Variants in ORC3 observed in about 807,000 individuals in gnomAD.
ORC3 encodes homolog of latheo, Drosophila.
ORC3 carries 78 observed loss-of-function variants against 100.7 expected under a neutral mutation model. The observed-to-expected ratio is 0.77, with a 90% confidence interval of 0.65 to 0.94. ORC3 has a LOEUF of 0.94. Ranked by LOEUF, ORC3 falls within the 40% of genes least tolerant of loss-of-function variation. The pLI, the probability that ORC3 is intolerant of heterozygous loss-of-function variation, is 0.00. For synonymous variants in ORC3, 295 were observed against 289.3 expected (o/e 1.02, Z -0.20); for missense variants, 789 against 823.9 (o/e 0.96, Z 0.52).
At chr6:87,672,566 G>A in the ORC3 span, among the ~76,000 whole-genome samples, 1 of 152,132 alleles carries the variant, frequency 6.6e-6, no homozygotes, top group Non-Finnish European at 1.5e-5. Context: ...ATTACTGTAA[G>A]AGTTTGAAAG....
At chr6:87,630,937 C>G (rs1767357906) in intron 11 of ORC3, among the ~76,000 whole-genome samples, 1 of 151,948 alleles carries the variant, frequency 6.6e-6, no homozygotes, top group African/African-American at 2.4e-5. Context: ...GTGGTGCAAT[C>G]ATAGCTTGCT....
At chr6:87,638,325 G>A (rs1188235366) in intron 13 of ORC3, among the ~76,000 whole-genome samples, 1 of 152,192 alleles carries the variant, frequency 6.6e-6, no homozygotes, top group Non-Finnish European at 1.5e-5. Context: ...ATGTAGAGCA[G>A]AAGTCAGGGA....
chr6:87,676,596 AACACACACACAC>A, the ORC3 span, among the ~76,000 whole-genome samples: 264 of 142,108 alleles, frequency 1.9e-3, 2 homozygotes, highest in African/African-American at 6.4e-3. Context: ...CTCTACTAAA[AACACACACACAC>A]ACACACACAC....
Position 87,634,897 on chromosome 6 carries a change from TC to T in ORC3, c.1240del (p.Leu414TrpfsTer3). ...CTGCATGTTTATCATATGAATTACT[TC>T]CTGGTTTTGAGATGTCTTCATAAGT... ...ENLHVYHMNYFLVLRCLHKFT... is the reference protein window; with the variant it reads ...ENLHVYHMNYXLVLRCLHKFT... On this transcript the variant is annotated frameshift_variant, in exon 12 of 20. Transcript: ENST00000392844. LOFTEE classifies it high-confidence loss of function. The T allele has an allele frequency of 6.2e-7, 1 of 1,608,268 alleles. No homozygotes were observed. Among genetic ancestry groups the T allele is most frequent in the Non-Finnish European group, 8.5e-7 (1 of 1,174,804 alleles).
At chr6:87,676,990 T>G in the ORC3 span, among the ~76,000 whole-genome samples, 1 of 148,996 alleles carries the variant, frequency 6.7e-6, no homozygotes, top group Non-Finnish European at 1.5e-5. Flanking sequence ...GGCAGGAGAA[T>G]GGCGTGAACC....
chr6:87,673,033 T>C, the ORC3 span, among the ~76,000 whole-genome samples: 1 of 151,974 alleles, frequency 6.6e-6, no homozygotes, highest in East Asian at 1.9e-4. Context: ...ATTGAAATCA[T>C]GTGTGGTTGG....
chr6:87,663,324 G>A (rs1420638369), intron 17 of ORC3, among the ~76,000 whole-genome samples, 180 bp downstream of exon 17: 1 of 152,144 alleles, frequency 6.6e-6, no homozygotes, highest in African/African-American at 2.4e-5. Flanking sequence ...ACCCCATAAA[G>A]ATAGCAATTA....
Position 87,607,664 on chromosome 6 carries a change from A to G in ORC3, c.428-9A>G. On this transcript the variant is annotated splice_polypyrimidine_tract_variant and intron_variant, in intron 5 of 19. Transcript: ENST00000392844. ...AGAGATAAGCTTTCTTACTTTTTAT[A>G]TTCCACAGATATGAAACATTTTTTG... is the stretch of plus-strand genomic sequence containing the variant. The G allele has an allele frequency of 6.3e-7, 1 of 1,580,860 alleles. No individual in the cohort carries two copies. The highest frequency in any genetic ancestry group is 1.9e-5 in the Admixed American group (1 of 53,334).
chr6:87,612,206 A>G lies in ORC3; in HGVS notation c.831A>G (p.Gln277=), dbSNP rs148643475. 17 of 1,611,520 alleles carry G rather than the reference A, an allele frequency of 1.1e-5. No homozygotes were observed. The highest frequency in any genetic ancestry group is 6.7e-5 in the African/African-American group (5 of 74,802). The part of the protein sequence containing the change: ...VSSLLCIELF[Q]SLSCKEHLTT... ...CTCTATTGTGCATAGAACTGTTCCAATCTTTGTCTTGTAAGGAGCACCTGA... is the reference window on the plus strand; with the variant it reads ...CTCTATTGTGCATAGAACTGTTCCAGTCTTTGTCTTGTAAGGAGCACCTGA... Residue 277 remains glutamine, a synonymous_variant, in exon 8 of 20, where the codon CAA becomes CAG. Coordinates refer to ENST00000392844, the MANE Select transcript of ORC3 (RefSeq NM_012381.4).
At chr6:87,631,381 T>C (rs1490152969) in intron 11 of ORC3, among the ~76,000 whole-genome samples, 2 of 152,182 alleles carry the variant, frequency 1.3e-5, no homozygotes, top group Non-Finnish European at 2.9e-5. Context: ...CAGCTATGAC[T>C]AGTGTGCAGA....
rs771776003 is a variant in ORC3 at position 87,656,870 on chromosome 6, C to A, written c.1517-36C>A. ...GTTTGTTCCCTTGACTTGGATTTAC[C>A]CTCATTGATGTCTACTGGTTTTGTA... On this transcript the variant is annotated intron_variant, in intron 14 of 19. Coordinates refer to ENST00000392844, the MANE Select transcript of ORC3 (RefSeq NM_012381.4). 7 of 1,424,310 alleles carry A rather than the reference C, an allele frequency of 4.9e-6. No individual in the cohort carries two copies. The Admixed American group carries it at 1.2e-4, about 25-fold the overall frequency. 88.2% of individuals were successfully genotyped at this position (1,424,310 alleles called of 1,614,324 possible). A position where few individuals can be genotyped will look rare whatever the true frequency, so the allele number is the denominator to read the frequency against.
At chr6:87,621,629 T>A in intron 10 of ORC3, 142 bp downstream of exon 10, 1 of 686,370 alleles carries the variant, frequency 1.5e-6, no homozygotes, top group Non-Finnish European at 2.2e-6. Flanking sequence ...CTTGTTGGAT[T>A]TGAAAATTTG....
At chr6:87,622,609 G>A (rs1779617009) in intron 11 of ORC3, among the ~76,000 whole-genome samples, 1 of 151,894 alleles carries the variant, frequency 6.6e-6, no homozygotes, top group Non-Finnish European at 1.5e-5. Context: ...TACTATATAT[G>A]TTATAGTATA....
At chr6:87,662,955 A>G (rs757905561) in intron 16 of ORC3, 48 bp from the exon 17 acceptor site, 1 of 1,360,802 alleles carries the variant, frequency 7.3e-7, no homozygotes, top group Non-Finnish European at 9.9e-7. Flanking sequence ...ATATAAAGAA[A>G]ATAAACCTGT....
chr6:87,653,200 C>T lies in ORC3; in HGVS notation c.1467C>T (p.Ser489=). 1.2e-6 allele frequency: 2 copies of T among 1,613,874 alleles called. No homozygotes were observed. Among genetic ancestry groups the T allele is most frequent in the Non-Finnish European group, 1.7e-6 (2 of 1,179,802 alleles). ...CTTATTGTGAAAACCACCTTGGCAG[C>T]ACAGCTAAGAGAATAGAGGAGTTCC... ...FKSYCENHLG[S]TAKRIEEFLA... Residue 489 remains serine, a synonymous_variant, in exon 14 of 20, where the codon AGC becomes AGT. Transcript: ENST00000392844.
intron 16 of ORC3, among the ~76,000 whole-genome samples, chr6:87,662,580 T>C (rs1310439987): frequency 1.3e-5 from 2 of 152,232 alleles, no homozygotes; most frequent in African/African-American, 2.4e-5. Flanking sequence ...AAAGGTTAAA[T>C]GTTTGCTGTG....
intron 13 of ORC3, among the ~76,000 whole-genome samples, chr6:87,645,198 T>G (rs1409796435): frequency 6.6e-6 from 1 of 152,174 alleles, no homozygotes. Context: ...ATACAGAATT[T>G]TGGTCAAATC....
chr6:87,636,455 G>A lies in ORC3; in HGVS notation c.1351G>A (p.Glu451Lys), dbSNP rs1369786633. The A allele has an allele frequency of 6.2e-7, 1 of 1,612,154 alleles. No homozygotes were observed. The highest frequency in any genetic ancestry group is 8.5e-7 in the Non-Finnish European group (1 of 1,178,228). ...TTTAGAAAAGAACATATGGGATTCA[G>A]AGGAGTATGCATCAGTCTTGCAGCT... ...TCLEKNIWDS[E>K]EYASVLQLLR... The change falls in exon 13 of 20, where the codon GAG (glutamate) becomes AAG (lysine). Residue 451 changes from glutamate (E) to lysine (K), a missense_variant. Glu to Lys is a moderately conservative substitution (Grantham distance 56). This residue lies in a region of ORC3 where 366 missense variants were observed against 394.2 expected (regional missense o/e 0.93). Coordinates refer to ENST00000392844, the MANE Select transcript of ORC3 (RefSeq NM_012381.4).
downstream of ORC3, among the ~76,000 whole-genome samples, chr6:87,671,190 A>C (rs1027894855): frequency 1.7e-4 from 26 of 152,170 alleles, no homozygotes; most frequent in Admixed American, 7.2e-4. Flanking sequence ...TGAGAGTAGA[A>C]TAGGATGGGT....
Sources: gnomAD v4.1 joint callset for allele counts (sites outside exome capture counted in the v4.1 genomes callset) on GRCh38, gnomAD v4.1.1 for gene constraint, gnomAD v4.1.1 regional missense constraint, MANE v1.5 for transcripts, NCBI Gene and HGNC (gene_info 2026-07-23, HGNC 2026-07-21) for gene names.